PDE11A: variants seen among roughly 807,000 people sequenced by gnomAD.
The protein encoded by PDE11A is dual 3',5'-cyclic-AMP and -GMP phosphodiesterase 11A.
A neutral mutation model predicts 100.5 loss-of-function variants in PDE11A; 100 were observed. The ratio of observed to expected loss-of-function variants is 1.00; its 90% CI spans 0.85 to 1.18. The LOEUF (loss-of-function observed/expected upper bound fraction) is 1.18, where lower values mean the gene tolerates loss of function less well. Among genes scored for constraint, PDE11A ranks in the 50% most tolerant of loss-of-function variants. PDE11A has a pLI of 0.00. For missense variants in PDE11A, 1,141 were observed against 1,152.6 expected (o/e 0.99, Z 0.15); for synonymous variants, 381 against 420.8 (o/e 0.91, Z 1.16).
At chr2:177,999,300 G>A (rs146647378) in intron 2 of PDE11A, among the ~76,000 whole-genome samples, 35 of 152,336 alleles carry the variant, frequency 2.3e-4, no homozygotes, top group African/African-American at 7.9e-4. Context: ...TCCAAGGATC[G>A]TGGTTCTCTG....
intron 9 of PDE11A, among the ~76,000 whole-genome samples, chr2:177,792,436 A>C (rs2105537908): frequency 6.6e-6 from 1 of 152,302 alleles, no homozygotes; most frequent in South Asian, 2.1e-4. Flanking sequence ...ATTTATATAT[A>C]CTGATTTTCC....
chr2:177,838,555 T>C (rs2083440583), intron 6 of PDE11A, among the ~76,000 whole-genome samples: 2 of 152,152 alleles, frequency 1.3e-5, no homozygotes, highest in South Asian at 2.1e-4. Context: ...AACTGCTTCC[T>C]GCTGACAGGG....
rs753946659 is a variant in PDE11A at position 178,072,031 on chromosome 2, G to C, written c.407C>G (p.Thr136Ser). Reference sequence around the variant, plus strand: ...CCGGGAGGTCACCTGTTCATCGTAGGTCCTGTTCACGTGGATGGCCTTGGA... The same window carrying C: ...CCGGGAGGTCACCTGTTCATCGTAGCTCCTGTTCACGTGGATGGCCTTGGA... ...ARSKAIHVNR[T>S]YDEQVTSRAQ... The change falls in exon 1 of 20, where the codon ACC (threonine) becomes AGC (serine). Residue 136 changes from threonine (T) to serine (S), a missense_variant. Transcript: ENST00000286063. The C allele has an allele frequency of 6.2e-7, 1 of 1,613,770 alleles. No homozygotes were observed. Among genetic ancestry groups the C allele is most frequent in the Non-Finnish European group, 8.5e-7 (1 of 1,179,688 alleles).
At chr2:177,693,607 A>C (rs2081071221) in intron 15 of PDE11A, among the ~76,000 whole-genome samples, 1 of 152,206 alleles carries the variant, frequency 6.6e-6, no homozygotes, top group Non-Finnish European at 1.5e-5. Context: ...GCCTCAAGCT[A>C]GTGTTTAAAC....
At chr2:177,835,994 G>A (rs1051948763) in intron 6 of PDE11A, among the ~76,000 whole-genome samples, 6 of 152,176 alleles carry the variant, frequency 3.9e-5, no homozygotes, top group Non-Finnish European at 5.9e-5. Context: ...CCTCCCCGAC[G>A]AGCGCTGCCC....
intron 19 of PDE11A, among the ~76,000 whole-genome samples, chr2:177,631,322 A>ACAAAAAAC (rs2079920548): frequency 4.2e-4 from 7 of 16,858 alleles, no homozygotes; most frequent in African/African-American, 6.5e-4. Flanking sequence ...AAAAAAAAAA[A>ACAAAAAAC]CAACCTAGGC....
chr2:178,090,982 C>T (rs1195606385), intron 2 of PDE11A, among the ~76,000 whole-genome samples: 1 of 152,194 alleles, frequency 6.6e-6, no homozygotes, highest in Non-Finnish European at 1.5e-5. Flanking sequence ...TTAATGGAAC[C>T]GTCTGGAAAT....
At chr2:177,795,173 G>A (rs1330847457) in intron 9 of PDE11A, among the ~76,000 whole-genome samples, 1 of 152,198 alleles carries the variant, frequency 6.6e-6, no homozygotes, top group Admixed American at 6.5e-5. Flanking sequence ...ATGTGAGGTT[G>A]GGAGATGGGT....
chr2:177,855,516 A>G (rs1472839538), intron 5 of PDE11A, among the ~76,000 whole-genome samples: 1 of 152,022 alleles, frequency 6.6e-6, no homozygotes, highest in African/African-American at 2.4e-5. Context: ...ATCTCCCTCT[A>G]TCCATCTCTG....
At chr2:177,992,214 AT>A (rs2086013299) in intron 2 of PDE11A, among the ~76,000 whole-genome samples, 1 of 151,418 alleles carries the variant, frequency 6.6e-6, no homozygotes, top group South Asian at 2.1e-4. Flanking sequence ...TATCAAAATA[AT>A]ACACTACCAC....
At chr2:177,916,180 G>A (rs2084950921) in intron 2 of PDE11A, among the ~76,000 whole-genome samples, 1 of 152,072 alleles carries the variant, frequency 6.6e-6, no homozygotes, top group Admixed American at 6.6e-5. Flanking sequence ...TCTTCTAACT[G>A]TCCCTTTCTA....
chr2:177,931,865 G>T (rs1403952477), intron 2 of PDE11A, among the ~76,000 whole-genome samples: 1 of 138,888 alleles, frequency 7.2e-6, no homozygotes, highest in Non-Finnish European at 1.6e-5. Flanking sequence ...CCAAAAGTTG[G>T]TTTTTGAAAG....
At chr2:178,073,023 C>T (rs1425433316), upstream of PDE11A, 3 of 985,264 alleles carry the variant, frequency 3.0e-6, no homozygotes, top group Non-Finnish European at 3.6e-6. Context: ...CCGCTTCTTG[C>T]TCCCTTACCT....
intron 9 of PDE11A, among the ~76,000 whole-genome samples, chr2:177,789,823 A>T (rs2082600650): frequency 6.6e-6 from 1 of 152,200 alleles, no homozygotes; most frequent in African/African-American, 2.4e-5. Flanking sequence ...CTAGGAACCC[A>T]ACTTACAAGG....
At chr2:178,105,759 C>T (rs1037047035) in intron 1 of PDE11A, 3 of 1,093,186 alleles carry the variant, frequency 2.7e-6, no homozygotes, top group Non-Finnish European at 3.6e-6. Flanking sequence ...AGCTCTGAGC[C>T]CCTGGGCCAG....
chr2:177,945,306 C>G (rs1487606900), intron 2 of PDE11A, among the ~76,000 whole-genome samples: 1 of 147,980 alleles, frequency 6.8e-6, no homozygotes, highest in African/African-American at 2.5e-5. Context: ...AGGAGCCCCT[C>G]TGCCTGGCTG....
intron 1 of PDE11A, among the ~76,000 whole-genome samples, chr2:178,036,976 A>G (rs899754501): frequency 2.0e-5 from 3 of 152,170 alleles, no homozygotes; most frequent in Admixed American, 6.6e-5. Flanking sequence ...AGACTTCATG[A>G]CTAAAACACC....
chr2:178,028,173 C>G (rs2086500966), intron 1 of PDE11A, among the ~76,000 whole-genome samples: 1 of 152,112 alleles, frequency 6.6e-6, no homozygotes, highest in Non-Finnish European at 1.5e-5. Context: ...ATCCCTGAAG[C>G]CTTCCTTCTC....
chr2:177,675,263 A>T (rs1013519825), intron 17 of PDE11A, among the ~76,000 whole-genome samples, 192 bp downstream of exon 17: 2 of 13,462 alleles, frequency 1.5e-4, no homozygotes, highest in African/African-American at 2.1e-4. Context: ...AAAGCACGAT[A>T]AAAAAAAAAA....
Sources: gnomAD v4.1 joint callset for allele counts (sites outside exome capture counted in the v4.1 genomes callset) on GRCh38, gnomAD v4.1.1 for gene constraint, MANE v1.5 for transcripts, NCBI Gene and HGNC (gene_info 2026-07-23, HGNC 2026-07-21) for gene names.